Variants in CD226 observed in about 807,000 individuals in gnomAD.
CD226 encodes CD226 antigen.
A neutral mutation model predicts 34.9 loss-of-function variants in CD226; 24 were observed. The ratio of observed to expected loss-of-function variants is 0.69; its 90% CI spans 0.50 to 0.97. The LOEUF (loss-of-function observed/expected upper bound fraction) is 0.97. Among genes scored for constraint, CD226 ranks in the 50% least tolerant of loss-of-function variants. The probability of loss-of-function intolerance (pLI) is 0.00; values close to 1 mark genes in which losing one functional copy is unlikely to be tolerated. For synonymous variants in CD226, 148 were observed against 147.4 expected, an observed-to-expected ratio of 1.00 and a Z score of -0.03; for missense variants, 397 against 412.7, an observed-to-expected ratio of 0.96 and a Z score of 0.33.
At chr18:69,870,730 GAGTGTGAAGTATTC>G (rs1400299894) in intron 4 of CD226, among the ~76,000 whole-genome samples, 1 of 152,228 alleles carries the variant, frequency 6.6e-6, no homozygotes, top group Non-Finnish European at 1.5e-5. Context: ...ACCAGGCACT[GAGTGTGAAGTATTC>G]AGTTTTGTTC....
chr18:69,947,281 T>C, intron 1 of CD226, 80 bp downstream of exon 1: 2 of 1,008,902 alleles, frequency 2.0e-6, no homozygotes, highest in Admixed American at 4.6e-5. Context: ...TAAAGAGCAC[T>C]GTAAATTCTG....
chr18:69,878,524 C>CG (rs1984016773), intron 3 of CD226, among the ~76,000 whole-genome samples: 1 of 151,330 alleles, frequency 6.6e-6, no homozygotes, highest in South Asian at 2.1e-4. Flanking sequence ...AGTTTATCCT[C>CG]TATTAGGGTG....
At chr18:69,950,541 G>A (rs1470910610), upstream of CD226, among the ~76,000 whole-genome samples, 1 of 152,196 alleles carries the variant, frequency 6.6e-6, no homozygotes. Context: ...AGGCTCTCGG[G>A]CAGTGAAGTG....
At chr18:69,898,286 C>T (rs1011292505) in intron 2 of CD226, among the ~76,000 whole-genome samples, 1 of 152,138 alleles carries the variant, frequency 6.6e-6, no homozygotes, top group African/African-American at 2.4e-5. Flanking sequence ...AATGCGTGTC[C>T]TCAGTGCTCA....
At chr18:69,938,417 C>T (rs1373261600) in intron 2 of CD226, among the ~76,000 whole-genome samples, 1 of 152,196 alleles carries the variant, frequency 6.6e-6, no homozygotes, top group Non-Finnish European at 1.5e-5. Flanking sequence ...CTGCCCCCAT[C>T]CATTGGTACT....
upstream of CD226, among the ~76,000 whole-genome samples, chr18:69,959,108 A>G (rs892939519): frequency 1.3e-5 from 2 of 152,210 alleles, no homozygotes; most frequent in Admixed American, 6.5e-5. Context: ...CCAACATGGT[A>G]ACTACAGAAT....
intron 3 of CD226, among the ~76,000 whole-genome samples, chr18:69,874,082 C>G (rs1788228): frequency 0.06 from 9,193 of 152,110 alleles, 809 homozygotes; most frequent in African/African-American, 0.19. Flanking sequence ...GTCCAGTAAT[C>G]TGAAATTCTC....
At chr18:69,954,703 A>G (rs369434022) in intron 1 of CD226, among the ~76,000 whole-genome samples, 1 of 152,168 alleles carries the variant, frequency 6.6e-6, no homozygotes, top group East Asian at 1.9e-4. Context: ...ATCCAGAGCC[A>G]ACTAGTCAAG....
intron 3 of CD226, among the ~76,000 whole-genome samples, chr18:69,894,792 A>G (rs1274776762): frequency 2.6e-5 from 4 of 151,920 alleles, no homozygotes; most frequent in Non-Finnish European, 5.9e-5. Context: ...ACTGTAATGC[A>G]GGCCTCTACA....
At chr18:69,937,311 G>C (rs2055666850) in intron 2 of CD226, among the ~76,000 whole-genome samples, 2 of 152,086 alleles carry the variant, frequency 1.3e-5, no homozygotes, top group East Asian at 3.8e-4. Flanking sequence ...TTACACTGGA[G>C]CCTACTATCT....
chr18:69,872,822 C>G (rs1983616393), intron 4 of CD226, among the ~76,000 whole-genome samples: 2 of 152,154 alleles, frequency 1.3e-5, no homozygotes, highest in South Asian at 4.1e-4. Flanking sequence ...GAATCTGTAT[C>G]CATCTCGCGC....
intron 3 of CD226, among the ~76,000 whole-genome samples, chr18:69,894,179 C>T (rs1460731690): frequency 6.7e-6 from 1 of 149,588 alleles, no homozygotes; most frequent in Non-Finnish European, 1.5e-5. Flanking sequence ...CAGGCCTCTA[C>T]ACAGAACTCT....
At chr18:69,952,189 C>T (rs146192815), upstream of CD226, among the ~76,000 whole-genome samples, 22 of 152,214 alleles carry the variant, frequency 1.4e-4, no homozygotes, top group South Asian at 1.5e-3. Flanking sequence ...ACTCAAAAAC[C>T]ACATGTTCTC....
At position 69,855,531 on chromosome 18, in the gene CD226, C is replaced by G. The variant is rs1982586209; in HGVS notation, c.*8783G>C. The G allele has an allele frequency of 6.6e-6, 1 of 152,002 alleles. No homozygotes were observed. The highest frequency in any genetic ancestry group is 6.5e-5 in the Admixed American group (1 of 15,276). The allele number at this position is 152,002 out of a possible 1,614,324, so 9.4% of individuals were successfully genotyped here. Reference sequence around the variant, plus strand: ...AATTGAAGAAGAAGAAAGAATGGAGCAAAAGAATGTTAGAAGTAATAACGT... The same window carrying G: ...AATTGAAGAAGAAGAAAGAATGGAGGAAAAGAATGTTAGAAGTAATAACGT... On this transcript the variant is annotated 3_prime_UTR_variant, in exon 6 of 6. Coordinates refer to ENST00000582621, the MANE Select transcript of CD226 (RefSeq NM_001303618.2).
Position 69,873,132 on chromosome 18 carries a change from T to A in CD226, c.830+12A>T. 7.3e-7 allele frequency: 1 copy of A among 1,362,906 alleles called. No homozygotes were observed. The highest frequency in any genetic ancestry group is 1.4e-5 in the African/African-American group (1 of 69,808). 84.4% of individuals were successfully genotyped at this position (1,362,906 alleles called of 1,614,324 possible). A position where few individuals can be genotyped will look rare whatever the true frequency, so the allele number is the denominator to read the frequency against. ...ATGGTGAATAAGATTCAGCATAAGT[T>A]GCACTACTCACCTGTTAAGGAAAAT... On this transcript the variant is annotated intron_variant, in intron 4 of 5. Coordinates refer to ENST00000582621, the MANE Select transcript of CD226 (RefSeq NM_001303618.2).
intron 4 of CD226, among the ~76,000 whole-genome samples, chr18:69,871,138 T>A (rs1983495759): frequency 1.3e-5 from 2 of 152,232 alleles, no homozygotes; most frequent in Admixed American, 6.5e-5. Context: ...TGTGACCCTG[T>A]GGAGGTTTGT....
rs146733994 is a variant in CD226 at position 69,864,336 on chromosome 18, C to G, written c.989G>C (p.Arg330Pro). 6.2e-7 allele frequency: 1 copy of G among 1,613,646 alleles called. No individual in the cohort carries two copies. The highest frequency in any genetic ancestry group is 1.1e-5 in the South Asian group (1 of 91,068). Residue 330 changes from arginine to proline, a missense_variant, in exon 6 of 6, where the codon CGC (arginine) becomes CCC (proline). Arg to Pro is a moderately radical substitution (Grantham distance 103, BLOSUM62 -2). Coordinates refer to ENST00000582621, the MANE Select transcript of CD226 (RefSeq NM_001303618.2). ...AGCTTAAACTCTAGTCTTTGGTCTG[C>G]GAGAGAAGGTTGGATAGTTGACATA... ...DIYVNYPTFSRRPKTRV is the reference protein window; with the variant it reads ...DIYVNYPTFSPRPKTRV
intron 1 of CD226, among the ~76,000 whole-genome samples, chr18:69,955,862 C>CAAAA (rs10659184): frequency 0.052 from 4,198 of 80,988 alleles, 286 homozygotes; most frequent in Non-Finnish European, 0.065. Flanking sequence ...GACTCCATCT[C>CAAAA]AAAAAAAAAA....
chr18:69,864,475 A>G (rs755605864), intron 5 of CD226, 36 bp from the exon 6 acceptor site: 5 of 1,601,622 alleles, frequency 3.1e-6, no homozygotes, highest in Non-Finnish European at 4.3e-6. Context: ...TCAATAATTC[A>G]CTGCATTTCA....
Sources: gnomAD v4.1 joint callset for allele counts (sites outside exome capture counted in the v4.1 genomes callset) on GRCh38, gnomAD v4.1.1 for gene constraint, MANE v1.5 for transcripts, NCBI Gene and HGNC (gene_info 2026-07-23, HGNC 2026-07-21) for gene names.